Variants in AGL observed in about 807,000 individuals in gnomAD.
The protein encoded by AGL is amylo-alpha-1,6-glucosidase and 4-alpha-glucanotransferase.
A neutral mutation model predicts 199.3 loss-of-function variants in AGL; 128 were observed. The observed-to-expected ratio is 0.64, with a 90% CI of 0.56 to 0.74. The LOEUF is 0.74. AGL is among the 30% of genes least tolerant of loss of function. AGL has a pLI of 0.00. For synonymous variants in AGL, 584 were observed against 594.7 expected (o/e 0.98, Z 0.26); for missense variants, 1,809 against 1,820.8 (o/e 0.99, Z 0.12).
At chr1:99,851,825 A>G (rs1648972963) in intron 2 of AGL, among the ~76,000 whole-genome samples, 1 of 152,196 alleles carries the variant, frequency 6.6e-6, no homozygotes, top group African/African-American at 2.4e-5. Flanking sequence ...TAATGTACCA[A>G]ATGGATGTTG....
At chr1:99,884,749 G>A (rs772003726) in intron 20 of AGL, 46 bp downstream of exon 20, 2 of 1,607,418 alleles carry the variant, frequency 1.2e-6, no homozygotes, top group Non-Finnish European at 1.7e-6. Flanking sequence ...TAATAAGTAA[G>A]TTACCACTAG....
intron 24 of AGL, among the ~76,000 whole-genome samples, chr1:99,893,607 C>T (rs1653075956): frequency 6.6e-6 from 1 of 152,170 alleles, no homozygotes. Context: ...TGATTGTGTA[C>T]TGCTGTTGTT....
At chr1:99,918,900 G>T (rs144032436) in intron 33 of AGL, among the ~76,000 whole-genome samples, 1 of 151,852 alleles carries the variant, frequency 6.6e-6, no homozygotes, top group East Asian at 1.9e-4. Flanking sequence ...AATCTGGCTG[G>T]TGGGAACAAG....
chr1:99,871,180 G>A (rs1473091972), intron 7 of AGL, among the ~76,000 whole-genome samples: 2 of 152,134 alleles, frequency 1.3e-5, no homozygotes, highest in African/African-American at 2.4e-5. Flanking sequence ...AGGTTGAACA[G>A]GTTATTTCAG....
intron 2 of AGL, 83 bp from the exon 3 acceptor site, chr1:99,861,420 T>C: frequency 1.9e-6 from 3 of 1,589,344 alleles, no homozygotes. Context: ...CAAGGTTTTT[T>C]AATACTTTAA....
intron 25 of AGL, among the ~76,000 whole-genome samples, chr1:99,898,281 T>C (rs1653502379): frequency 2.0e-5 from 3 of 152,098 alleles, no homozygotes; most frequent in Non-Finnish European, 4.4e-5. Context: ...ATCCTGACCT[T>C]ATGATCCGCC....
intron 24 of AGL, among the ~76,000 whole-genome samples, 186 bp downstream of exon 24, chr1:99,892,793 G>A (rs1267851634): frequency 6.6e-6 from 1 of 151,486 alleles, no homozygotes; most frequent in Non-Finnish European, 1.5e-5. Flanking sequence ...TTATAACTGT[G>A]CACCAGGCAT....
intron 27 of AGL, among the ~76,000 whole-genome samples, chr1:99,906,056 C>G (rs72725980): frequency 0.021 from 3,167 of 152,154 alleles, 51 homozygotes; most frequent in South Asian, 0.067. Flanking sequence ...GCTTTAAGTA[C>G]AATCACATTG....
intron 30 of AGL, among the ~76,000 whole-genome samples, chr1:99,913,959 A>T (rs1654933503): frequency 1.3e-5 from 2 of 152,186 alleles, no homozygotes; most frequent in Non-Finnish European, 2.9e-5. Context: ...ATGATGACTA[A>T]TGAAGTGCTT....
chr1:99,917,034 CTG>C (rs1337695518), intron 33 of AGL, among the ~76,000 whole-genome samples: 9 of 152,102 alleles, frequency 5.9e-5, no homozygotes, highest in African/African-American at 1.9e-4. Flanking sequence ...AATATAAAAA[CTG>C]AAGGTACTCA....
chr1:99,903,598 G>A (rs531341257), intron 27 of AGL, among the ~76,000 whole-genome samples: 51 of 152,266 alleles, frequency 3.3e-4, no homozygotes, highest in Middle Eastern at 3.4e-3. Context: ...ATGAACATAC[G>A]TGTGCATGTG....
intron 29 of AGL, among the ~76,000 whole-genome samples, chr1:99,913,304 T>C (rs774614214): frequency 2.6e-5 from 4 of 152,180 alleles, no homozygotes; most frequent in Non-Finnish European, 4.4e-5. Context: ...AAATTATTCA[T>C]GAGCTATTTT....
At chr1:99,870,150 T>G (rs1650864653) in intron 5 of AGL, among the ~76,000 whole-genome samples, 1 of 151,960 alleles carries the variant, frequency 6.6e-6, no homozygotes, top group African/African-American at 2.4e-5. Context: ...TATGAGAGAG[T>G]TGCTTTTTGT....
intron 21 of AGL, among the ~76,000 whole-genome samples, chr1:99,890,735 C>T (rs1367163462): frequency 3.3e-5 from 5 of 151,974 alleles, no homozygotes; most frequent in African/African-American, 1.2e-4. Flanking sequence ...CCAAAGCATG[C>T]TTTATTCTTA....
intron 2 of AGL, among the ~76,000 whole-genome samples, chr1:99,852,190 C>G (rs906924053): frequency 1.3e-5 from 2 of 152,004 alleles, no homozygotes; most frequent in African/African-American, 4.8e-5. Flanking sequence ...TCAACTGTTG[C>G]CTCTGTGCTA....
rs747339245 is a variant in AGL at position 99,892,481 on chromosome 1, G to T, written c.3133G>T (p.Val1045Phe). 3 of 1,613,456 alleles carry T rather than the reference G, an allele frequency of 1.9e-6. No homozygotes were observed. Among genetic ancestry groups the T allele is most frequent in the African/African-American group, 1.3e-5 (1 of 74,892 alleles). The change falls in exon 24 of 34, where the codon GTT becomes TTT. Residue 1045 changes from valine (V) to phenylalanine (F), a missense_variant. Physicochemically the swap from Val to Phe is conservative, Grantham distance 50 (BLOSUM62 -1). Coordinates refer to ENST00000361915, the MANE Select transcript of AGL (RefSeq NM_000642.3). ...TGTGAAACACCTTTCATTGGGTTCA[G>T]TTCAACTGTGTGGAGTAGGAAAATT... Reference protein sequence around the residue: ...TFVKHLSLGSVQLCGVGKFPS... With the variant: ...TFVKHLSLGSFQLCGVGKFPS...
chr1:99,889,407 A>T lies in AGL; in HGVS notation c.2812+1299A>T, dbSNP rs542409820. 1.9e-4 allele frequency among the ~76,000 whole-genome samples: 29 copies of T among 152,102 alleles called. 2 individuals are homozygous for T. The South Asian group carries it at 6.0e-3, about 32-fold the overall frequency. ...TTTTTAATACAAAATGTTTTGTGCTATGAGTAAGAAAGAAGTGTATGTGAG... is the reference window on the plus strand; with the variant it reads ...TTTTTAATACAAAATGTTTTGTGCTTTGAGTAAGAAAGAAGTGTATGTGAG... On this transcript the variant is annotated intron_variant, in intron 21 of 33. Transcript: ENST00000361915.
At chr1:99,852,250 T>C (rs886262879) in intron 2 of AGL, among the ~76,000 whole-genome samples, 6 of 152,138 alleles carry the variant, frequency 3.9e-5, no homozygotes, top group African/African-American at 1.4e-4. Flanking sequence ...CTTGGAAGCT[T>C]TCAGCATTTG....
chr1:99,876,505 C>T lies in AGL; in HGVS notation c.1331C>T (p.Ser444Phe). Reference sequence around the variant, plus strand: ...GAGATAGACTTCTCCATGGAAGAATCTATGATTCATCTGCCAAATAAAGCT... The same window carrying T: ...GAGATAGACTTCTCCATGGAAGAATTTATGATTCATCTGCCAAATAAAGCT... ...FEEIDFSMEE[S>F]MIHLPNKACF... Residue 444 changes from serine to phenylalanine, a missense_variant, in exon 11 of 34, where the codon TCT becomes TTT. By Grantham distance (155) the Ser-to-Phe change is radical. Transcript: ENST00000361915. 6.2e-7 allele frequency: 1 copy of T among 1,611,826 alleles called. No homozygotes were observed. The highest frequency in any genetic ancestry group is 8.5e-7 in the Non-Finnish European group (1 of 1,177,996).
Sources: allele counts gnomAD v4.1 joint callset (sites outside exome capture counted in the v4.1 genomes callset), GRCh38; gene constraint gnomAD v4.1.1; transcripts MANE v1.5; gene names NCBI Gene and HGNC (gene_info 2026-07-23, HGNC 2026-07-21).